The following DDX42 variants were observed in gnomAD, a reference collection of about 807,000 sequenced individuals.
DDX42 encodes ATP-dependent RNA helicase DDX42.
DDX42 carries 22 observed loss-of-function variants against 101.5 expected under a neutral mutation model. The observed-to-expected ratio is 0.22, with a 90% CI of 0.15 to 0.31. The LOEUF (loss-of-function observed/expected upper bound fraction) is 0.31, where lower values mean the gene tolerates loss of function less well. Ranked by LOEUF, DDX42 falls within the 10% of genes least tolerant of loss-of-function variation. The pLI, the probability that DDX42 is intolerant of heterozygous loss-of-function variation, is 1.00. For missense variants in DDX42, 849 were observed against 1,199.9 expected, an observed-to-expected ratio of 0.71 and a Z score of 4.32; for synonymous variants, 402 against 401.2, an observed-to-expected ratio of 1.00 and a Z score of -0.02.
rs745599194 is a variant in DDX42, at chr17:63,818,262, GCAAGATGGAGCC to G, written c.2691_2702del (p.Met900_Lys903del). ...AGGAAAGAAGCTTTTAATCGTGAGAGCAAGATGGAGCCCAAGATGGAACCCAAAGTGGACAGC... is the reference window on the plus strand; with the variant it reads ...AGGAAAGAAGCTTTTAATCGTGAGAGCAAGATGGAACCCAAAGTGGACAGC... On this transcript the variant is annotated inframe_deletion, in exon 18 of 18. Transcript: ENST00000389924. 1.5e-5 allele frequency: 25 copies of G among 1,614,134 alleles called. No homozygotes were observed. Among genetic ancestry groups the G allele is most frequent in the Non-Finnish European group, 1.8e-5 (21 of 1,180,038 alleles).
chr17:63,811,018 A>G (rs1224623111), intron 12 of DDX42, 58 bp from the exon 13 acceptor site: 10 of 1,414,350 alleles, frequency 7.1e-6, no homozygotes, highest in Non-Finnish European at 9.8e-6. Context: ...AAGAAGCTTA[A>G]TGGGTATGCA....
chr17:63,816,815 A>G, intron 16 of DDX42, 53 bp from the exon 17 acceptor site: 1 of 1,463,838 alleles, frequency 6.8e-7, no homozygotes, highest in Non-Finnish European at 9.4e-7. Context: ...AGTCTATAGC[A>G]GTGAGCTTTC....
In DDX42 at chr17:63,818,223, G is replaced by A. The variant is rs199843196; in HGVS notation, c.2642G>A (p.Arg881Gln). ...GAGAACCGGGGTGCAAATGATGGTC[G>A]GAATGGGGAAAGCAGGAAAGAAGCT... ...HGENRGANDG[R>Q]NGESRKEAFN... The change falls in exon 18 of 18, where the codon CGG becomes CAG. Residue 881 changes from arginine (R) to glutamine (Q), a missense_variant. Transcript: ENST00000389924. 2.6e-5 allele frequency: 42 copies of A among 1,614,074 alleles called. No individual in the cohort carries two copies. The highest frequency in any genetic ancestry group is 1.1e-4 in the African/African-American group (8 of 75,018).
intron 17 of DDX42, chr17:63,817,333 G>T: frequency 3.1e-6 from 1 of 326,958 alleles, no homozygotes; most frequent in Non-Finnish European, 5.6e-6. Context: ...TCGATAGAAT[G>T]AGTTCAAGGC....
intron 2 of DDX42, among the ~76,000 whole-genome samples, chr17:63,787,765 C>T (rs1244233942): frequency 2.0e-5 from 3 of 152,004 alleles, no homozygotes; most frequent in African/African-American, 7.2e-5. Flanking sequence ...CGCTTGAACC[C>T]GGGAGGCACA....
At chr17:63,805,792 C>G (rs1216826811) in intron 7 of DDX42, 2 of 152,268 alleles carry the variant, frequency 1.3e-5, no homozygotes, top group Non-Finnish European at 2.9e-5. Flanking sequence ...GTTTAAACTC[C>G]TGTTTTCCAG....
chr17:63,800,399 G>A (rs1307910221), intron 5 of DDX42, 69 bp from the exon 6 acceptor site: 14 of 1,494,354 alleles, frequency 9.4e-6, no homozygotes, highest in East Asian at 2.3e-5. Flanking sequence ...CACTATGTGC[G>A]CTAATTACAG....
intron 7 of DDX42, 48 bp downstream of exon 7, chr17:63,805,223 CAGATTTAGTATT>C (rs1279006683): frequency 1.1e-5 from 18 of 1,589,036 alleles, no homozygotes; most frequent in Non-Finnish European, 1.5e-5. Flanking sequence ...TTAATTAGTC[CAGATTTAGTATT>C]ATTGGTTATC....
Position 63,807,392 on chromosome 17 carries a change from C to T in DDX42, c.847-332C>T, listed in dbSNP as rs188439950. On this transcript the variant is annotated intron_variant, in intron 8 of 17. Coordinates refer to ENST00000389924, the MANE Select transcript of DDX42 (RefSeq NM_203499.3). ...CTGAGCTCAGGGAACCTGCCCACCT[C>T]GGCCTCCCAAAGTGCTGGGATTACA... 5.8e-3 allele frequency among the ~76,000 whole-genome samples: 880 copies of T among 152,330 alleles called. 7 individuals carry two copies. The highest frequency in any genetic ancestry group is 0.02 in the African/African-American group (828 of 41,562).
At chr17:63,798,005 G>A in intron 3 of DDX42, 33 bp from the exon 4 acceptor site, 1 of 1,573,692 alleles carries the variant, frequency 6.4e-7, no homozygotes, top group Non-Finnish European at 8.6e-7. Flanking sequence ...GTTTTTAGTT[G>A]ATGTCATTCT....
intron 2 of DDX42, among the ~76,000 whole-genome samples, chr17:63,791,084 T>C (rs2039622579): frequency 6.6e-6 from 1 of 152,242 alleles, no homozygotes; most frequent in Non-Finnish European, 1.5e-5. Context: ...TTGAAATGCT[T>C]TAACTTTTTA....
intron 3 of DDX42, 22 bp downstream of exon 3, chr17:63,792,584 T>C (rs1194510248): frequency 6.3e-7 from 1 of 1,597,450 alleles, no homozygotes; most frequent in East Asian, 2.2e-5. Flanking sequence ...CATGTTTCAT[T>C]AAAATATTTA....
intron 15 of DDX42, among the ~76,000 whole-genome samples, chr17:63,813,903 G>A (rs767951640): frequency 4.6e-5 from 7 of 151,774 alleles, no homozygotes; most frequent in Admixed American, 2.6e-4. Flanking sequence ...GCAATGGCAC[G>A]ATCTCGGCTC....
intron 1 of DDX42, among the ~76,000 whole-genome samples, chr17:63,783,407 A>G (rs1217125401): frequency 6.6e-6 from 1 of 152,126 alleles, no homozygotes; most frequent in Non-Finnish European, 1.5e-5. Context: ...GCTCCTTGTT[A>G]TACATTGTAT....
chr17:63,809,527 T>C, intron 10 of DDX42, 33 bp from the exon 11 acceptor site: 1 of 1,579,568 alleles, frequency 6.3e-7, no homozygotes. Flanking sequence ...ATGCCTTTAA[T>C]TATACTTACT....
In DDX42 at chr17:63,813,221, A is replaced by T; in HGVS notation, c.1676-7A>T. On this transcript the variant is annotated splice_region_variant and splice_polypyrimidine_tract_variant and intron_variant, in intron 14 of 17. Coordinates refer to ENST00000389924, the MANE Select transcript of DDX42 (RefSeq NM_203499.3). ...GAATAAAAGAATTTGGTTGCTTTTTATTTCAGCCCGTGGTCTGGACATTCC... is the reference window on the plus strand; with the variant it reads ...GAATAAAAGAATTTGGTTGCTTTTTTTTTCAGCCCGTGGTCTGGACATTCC... 1 of 1,584,400 alleles carries T rather than the reference A, an allele frequency of 6.3e-7. No homozygotes were observed. Among genetic ancestry groups the T allele is most frequent in the South Asian group, 1.1e-5 (1 of 89,260 alleles).
In DDX42 at chr17:63,792,445, C is replaced by T. The variant is rs761024038; in HGVS notation, c.255C>T (p.Asn85=). 40 of 1,612,872 alleles carry T rather than the reference C, an allele frequency of 2.5e-5. No homozygotes were observed. The highest frequency in any genetic ancestry group is 3.3e-5 in the Admixed American group (2 of 59,806). ...YFEDEEEDSS[N]VDLPYIPAEN... is the part of the protein sequence containing the mutation. ...AAGATGAGGAAGAAGATTCTAGCAA[C>T]GTTGATTTACCTTACATTCCTGCTG... is the stretch of plus-strand genomic sequence containing the variant. The change falls in exon 3 of 18, where the codon AAC becomes AAT. Residue 85 remains asparagine (N), a synonymous_variant. Coordinates refer to ENST00000389924, the MANE Select transcript of DDX42 (RefSeq NM_203499.3).
chr17:63,811,413 T>G, intron 13 of DDX42: 1 of 430,776 alleles, frequency 2.3e-6, no homozygotes. Flanking sequence ...GTGTTTTTTT[T>G]GTTTTATTGA....
Position 63,818,450 on chromosome 17 carries a change from T to C in DDX42, c.*52T>C. 6.5e-7 allele frequency: 1 copy of C among 1,543,116 alleles called. No individual in the cohort carries two copies. The highest frequency in any genetic ancestry group is 8.7e-7 in the Non-Finnish European group (1 of 1,144,990). ...GTTGTCCTTAATTTTTAGAAAGATT[T>C]TGGTAACTAGGTGTCTCAGGGCTGG... On this transcript the variant is annotated 3_prime_UTR_variant, in exon 18 of 18. Coordinates refer to ENST00000389924, the MANE Select transcript of DDX42 (RefSeq NM_203499.3).
Sources: allele counts gnomAD v4.1 joint callset (sites outside exome capture counted in the v4.1 genomes callset), GRCh38; gene constraint gnomAD v4.1.1; transcripts MANE v1.5; gene names NCBI Gene and HGNC (gene_info 2026-07-23, HGNC 2026-07-21).